The following GAK variants were observed in gnomAD, a reference collection of about 807,000 sequenced individuals.
The protein encoded by GAK is cyclin-G-associated kinase.
Under a neutral mutation model 143.9 loss-of-function variants are expected in GAK, and 79 were observed. The ratio of observed to expected loss-of-function variants is 0.55; its 90% CI spans 0.46 to 0.66. GAK has a LOEUF of 0.66. GAK is among the 30% of genes least tolerant of loss of function. The pLI, the probability that GAK is intolerant of heterozygous loss-of-function variation, is 0.00. For missense variants in GAK, 1,693 were observed against 1,779.7 expected (o/e 0.95, Z 0.88); for synonymous variants, 881 against 765.5 (o/e 1.15, Z -2.49).
chr4:894,333 G>A (rs145807013), intron 7 of GAK: 176 of 233,666 alleles, frequency 7.5e-4, no homozygotes, highest in Admixed American at 2.0e-3. Context: ...GTGACACCCA[G>A]GCCTGCGGGG....
At chr4:887,644 AC>A (rs1211147660) in intron 11 of GAK, 1 of 149,576 alleles carries the variant, frequency 6.7e-6, no homozygotes, top group Non-Finnish European at 1.5e-5. Context: ...CATGCAGTTC[AC>A]GTGCACTCAC....
At chr4:914,567 C>CCA (rs1722724169) in intron 1 of GAK, among the ~76,000 whole-genome samples, 1 of 90,874 alleles carries the variant, frequency 1.1e-5, no homozygotes, top group African/African-American at 4.4e-5. Flanking sequence ...GCACGGCCCC[C>CCA]CACACACAGC....
chr4:860,918 G>A (rs1750166360), intron 23 of GAK, among the ~76,000 whole-genome samples: 2 of 152,216 alleles, frequency 1.3e-5, no homozygotes, highest in South Asian at 2.1e-4. Context: ...TTTTCCGCAC[G>A]CCATGTGCAC....
rs571586422 is a variant in GAK, at chr4:849,842, C to A, written c.3834+50G>T. On this transcript the variant is annotated intron_variant, in intron 27 of 27. Transcript: ENST00000314167. ...GGGGCGGGCGGGGCAGGACCCCCCC[C>A]CCGCCCCGCCCCTGAAGGCCTCAAG... 1.9e-5 allele frequency: 23 copies of A among 1,205,162 alleles called. 1 individual carries two copies. The highest frequency in any genetic ancestry group is 1.2e-4 in the East Asian group (5 of 40,384). 74.7% of individuals were successfully genotyped at this position (1,205,162 alleles called of 1,614,324 possible). A position where few individuals can be genotyped will look rare whatever the true frequency, so the allele number is the denominator to read the frequency against.
intron 1 of GAK, among the ~76,000 whole-genome samples, chr4:917,096 A>G (rs533655562): frequency 6.6e-6 from 1 of 152,396 alleles, no homozygotes; most frequent in East Asian, 1.9e-4. Flanking sequence ...ATACACATAC[A>G]TACAGTCAAT....
At chr4:903,150 C>A (rs531993904) in intron 5 of GAK, among the ~76,000 whole-genome samples, 2 of 152,278 alleles carry the variant, frequency 1.3e-5, no homozygotes, top group African/African-American at 4.8e-5. Context: ...ACCTGTGTGG[C>A]GGTGTGGTGG....
intron 18 of GAK, among the ~76,000 whole-genome samples, 181 bp from the exon 19 acceptor site, chr4:871,085 C>G (rs1288373314): frequency 6.6e-6 from 1 of 152,270 alleles, no homozygotes. Context: ...GACCCAGCAG[C>G]TGTCCCAGGA....
chr4:866,025 C>G (rs771596488), intron 22 of GAK, among the ~76,000 whole-genome samples: 1 of 152,272 alleles, frequency 6.6e-6, no homozygotes, highest in East Asian at 1.9e-4. Flanking sequence ...GGTCCCTACA[C>G]AAGCTCTGGG....
chr4:858,535 A>G (rs924061371), intron 24 of GAK, among the ~76,000 whole-genome samples: 2 of 152,270 alleles, frequency 1.3e-5, no homozygotes, highest in African/African-American at 4.8e-5. Context: ...CACAAGACAG[A>G]GGCCACAAAG....
At chr4:896,621 C>T (rs1052482148) in intron 6 of GAK, 72 bp from the exon 7 acceptor site, 48 of 1,174,144 alleles carry the variant, frequency 4.1e-5, no homozygotes, top group Middle Eastern at 3.8e-4. Context: ...GCACCACTTC[C>T]GTGCAGCTTT....
At chr4:901,011 C>T (rs547214914) in intron 5 of GAK, among the ~76,000 whole-genome samples, 1 of 152,308 alleles carries the variant, frequency 6.6e-6, no homozygotes, top group African/African-American at 2.4e-5. Flanking sequence ...GCATTCTAGG[C>T]CCTCTGAGTT....
In GAK at chr4:867,436, C is replaced by A. The variant is rs771138015; in HGVS notation, c.2396-4G>T. ...CCAGTCTCTGCCTCCTTCTCTTCTG[C>A]GAAAAGGAAACAAAACCACAGGCTA... On this transcript the variant is annotated splice_region_variant and splice_polypyrimidine_tract_variant and intron_variant, in intron 20 of 27. Transcript: ENST00000314167. The A allele has an allele frequency of 5.3e-6, 8 of 1,512,630 alleles. No homozygotes were observed. The East Asian group carries it at 1.4e-4, about 27-fold the overall frequency. The allele number at this position is 1,512,630 out of a possible 1,614,324, so 93.7% of individuals were successfully genotyped here.
chr4:909,365 T>C (rs2152928431), intron 4 of GAK, among the ~76,000 whole-genome samples: 1 of 152,246 alleles, frequency 6.6e-6, no homozygotes, highest in South Asian at 2.1e-4. Flanking sequence ...AACAGTGCCA[T>C]GAACAACAAG....
intron 9 of GAK, among the ~76,000 whole-genome samples, chr4:892,563 T>C (rs1332301018): frequency 6.6e-6 from 1 of 152,214 alleles, no homozygotes; most frequent in African/African-American, 2.4e-5. Context: ...CACACGGCCC[T>C]GTGGGCCTCA....
At chr4:925,844 C>T (rs917506919) in intron 1 of GAK, among the ~76,000 whole-genome samples, 2 of 152,218 alleles carry the variant, frequency 1.3e-5, no homozygotes, top group African/African-American at 4.8e-5. Flanking sequence ...TTTATAGGCC[C>T]CCAGTGTACG....
Position 931,053 on chromosome 4 carries a change from G to A in GAK, c.145+990C>T, listed in dbSNP as rs1214723624. 2.0e-5 allele frequency among the ~76,000 whole-genome samples: 3 copies of A among 152,176 alleles called. 1 individual carries two copies. Among genetic ancestry groups the A allele is most frequent in the Admixed American group, 2.0e-4 (3 of 15,276 alleles). On this transcript the variant is annotated intron_variant, in intron 1 of 27. Transcript: ENST00000314167. ...TCCGCACCCAAGTCAACTGTGTTTA[G>A]CCCATAAACTTCACAGCCAGTGAAA...
At chr4:922,207 C>T (rs1179745796) in intron 1 of GAK, among the ~76,000 whole-genome samples, 3 of 152,112 alleles carry the variant, frequency 2.0e-5, no homozygotes. Flanking sequence ...GAGATGTCAG[C>T]ATCCCCTCAG....
intron 8 of GAK, 110 bp downstream of exon 8, chr4:893,764 G>A: frequency 7.7e-7 from 1 of 1,297,680 alleles, no homozygotes; most frequent in Non-Finnish European, 1.0e-6. Context: ...ATGGTGACGG[G>A]CGGGAGTGGG....
At chr4:900,389 C>T (rs1052720957) in intron 5 of GAK, among the ~76,000 whole-genome samples, 5 of 152,252 alleles carry the variant, frequency 3.3e-5, no homozygotes, top group African/African-American at 7.2e-5. Context: ...CCTGGGTTCC[C>T]GCCACGCCGC....
Sources: allele counts gnomAD v4.1 joint callset (sites outside exome capture counted in the v4.1 genomes callset), GRCh38; gene constraint gnomAD v4.1.1; transcripts MANE v1.5; gene names NCBI Gene and HGNC (gene_info 2026-07-23, HGNC 2026-07-21).